EPHA2: variants seen among roughly 807,000 people sequenced by gnomAD.
EPHA2 encodes EPH receptor A2, also known as ephrin type-A receptor 2.
Under a neutral mutation model 104.9 loss-of-function variants are expected in EPHA2, and 54 were observed. The ratio of observed to expected loss-of-function variants is 0.51; its 90% CI spans 0.41 to 0.65. The LOEUF (loss-of-function observed/expected upper bound fraction) is 0.65, where lower values mean the gene tolerates loss of function less well. EPHA2 is among the 30% of genes least tolerant of loss of function. EPHA2 has a pLI of 0.00. For missense variants in EPHA2, 1,117 were observed against 1,369.5 expected (o/e 0.82, Z 2.91); for synonymous variants, 560 against 559.1 (o/e 1.00, Z -0.02).
intron 16 of EPHA2, among the ~76,000 whole-genome samples, chr1:16,129,192 G>A (rs934450643): frequency 1.3e-5 from 2 of 151,426 alleles, no homozygotes; most frequent in African/African-American, 2.4e-5. Context: ...TTATGATTAC[G>A]GTTACTATTA....
At position 16,134,012 on chromosome 1, in the gene EPHA2, TG is replaced by T. The variant is rs1367748519; in HGVS notation, c.1683-98del. On this transcript the variant is annotated intron_variant, in intron 8 of 16. Coordinates refer to ENST00000358432, the MANE Select transcript of EPHA2 (RefSeq NM_004431.5). This position sits in a 1 kb window ranked among gnomAD's most constrained non-coding sequence, Gnocchi z 4.5. Reference sequence around the variant, plus strand: ...GCCCTACTTTGGTCCTAGGAGGACCTGGGGTGCTCAGAATGCGGCCCAGTCC... The same window carrying T: ...GCCCTACTTTGGTCCTAGGAGGACCTGGGTGCTCAGAATGCGGCCCAGTCC... The T allele has an allele frequency of 3.1e-6, 4 of 1,271,724 alleles. No homozygotes were observed. Among genetic ancestry groups the T allele is most frequent in the Admixed American group, 2.5e-5 (1 of 39,474 alleles). The allele number at this position is 1,271,724 out of a possible 1,614,324, so 78.8% of individuals were successfully genotyped here.
At chr1:16,140,561 A>G (rs1486077097) in intron 3 of EPHA2, among the ~76,000 whole-genome samples, 1 of 152,150 alleles carries the variant, frequency 6.6e-6, no homozygotes, top group African/African-American at 2.4e-5. Flanking sequence ...GGAAACCAGA[A>G]CTCAAACTTA....
At chr1:16,138,506 C>T (rs2024763786) in intron 3 of EPHA2, 76 bp from the exon 4 acceptor site, 24 of 1,602,610 alleles carry the variant, frequency 1.5e-5, no homozygotes, top group Middle Eastern at 1.7e-4. Context: ...GTCTCATTCC[C>T]TCACCAGGGA....
rs148110362 is a variant in EPHA2 at position 16,147,398 on chromosome 1, T to C, written c.823+980A>G. On this transcript the variant is annotated intron_variant, in intron 3 of 16. Coordinates refer to ENST00000358432, the MANE Select transcript of EPHA2 (RefSeq NM_004431.5). Reference sequence around the variant, plus strand: ...CCAAAAGCTCCGCGGGTGATCCTGATATGCAGCCAGGGGATGTGCACCCCG... The same window carrying C: ...CCAAAAGCTCCGCGGGTGATCCTGACATGCAGCCAGGGGATGTGCACCCCG... 7.7e-3 allele frequency among the ~76,000 whole-genome samples: 1,168 copies of C among 152,200 alleles called. 9 individuals are homozygous for C. The highest frequency in any genetic ancestry group is 0.01 in the Non-Finnish European group (703 of 68,008).
Position 16,125,141 on chromosome 1 carries a change from G to A in EPHA2, c.*74C>T. ...AATAAATAAAGTCCCCAGTGGCCCAGCATGGCACAGCAGGGAGGCCACTCT... is the reference window on the plus strand; with the variant it reads ...AATAAATAAAGTCCCCAGTGGCCCAACATGGCACAGCAGGGAGGCCACTCT... On this transcript the variant is annotated 3_prime_UTR_variant, in exon 17 of 17. Coordinates refer to ENST00000358432, the MANE Select transcript of EPHA2 (RefSeq NM_004431.5). This position sits in a 1 kb window ranked among gnomAD's most constrained non-coding sequence, Gnocchi z 4.9. 1 of 1,377,820 alleles carries A rather than the reference G, an allele frequency of 7.3e-7. No homozygotes were observed. Among genetic ancestry groups the A allele is most frequent in the Non-Finnish European group, 1.0e-6 (1 of 978,354 alleles). The allele number at this position is 1,377,820 out of a possible 1,614,324, so 85.3% of individuals were successfully genotyped here.
Position 16,135,318 on chromosome 1 carries a change from C to G in EPHA2, c.1429-129G>C. On this transcript the variant is annotated intron_variant, in intron 6 of 16. Coordinates refer to ENST00000358432, the MANE Select transcript of EPHA2 (RefSeq NM_004431.5). The surrounding 1 kb of genome is among the most constrained non-coding windows in gnomAD (Gnocchi z 4.3). ...GTTAGCAAACTTGAGGCTCTTCTTA[C>G]AGAGGAGGAAACTGAGGCTCGGAAT... is the stretch of plus-strand genomic sequence containing the variant. 1 of 1,242,614 alleles carries G rather than the reference C, an allele frequency of 8.0e-7. No individual in the cohort carries two copies. Among genetic ancestry groups the G allele is most frequent in the African/African-American group, 1.5e-5 (1 of 67,668 alleles). The allele number at this position is 1,242,614 out of a possible 1,614,324, so 77.0% of individuals were successfully genotyped here. A position where few individuals can be genotyped will look rare whatever the true frequency, so the allele number is the denominator to read the frequency against.
At chr1:16,126,088 C>A (rs1200785736) in intron 16 of EPHA2, among the ~76,000 whole-genome samples, 1 of 152,136 alleles carries the variant, frequency 6.6e-6, no homozygotes, top group Non-Finnish European at 1.5e-5. Context: ...GGGCGAGAGA[C>A]CTCAAAACCA....
chr1:16,138,549 A>C, intron 3 of EPHA2, 119 bp from the exon 4 acceptor site: 2 of 1,440,458 alleles, frequency 1.4e-6, no homozygotes, highest in Non-Finnish European at 1.9e-6. Context: ...GTAAATCTCT[A>C]TGGACCTGTT....
intron 3 of EPHA2, chr1:16,146,339 C>A (rs3754333): frequency 0.081 from 12,339 of 152,252 alleles, 626 homozygotes; most frequent in East Asian, 0.13. Flanking sequence ...GACCCCCCAC[C>A]TCTAGAGGAG....
At chr1:16,132,013 C>T in intron 13 of EPHA2, 51 bp downstream of exon 13, 1 of 1,613,224 alleles carries the variant, frequency 6.2e-7, no homozygotes, top group Non-Finnish European at 8.5e-7. Context: ...TGAGAGGACA[C>T]CATGCAGGGC....
At chr1:16,149,866 C>T (rs58340323) in intron 2 of EPHA2, among the ~76,000 whole-genome samples, 158 of 152,290 alleles carry the variant, frequency 1.0e-3, no homozygotes, top group African/African-American at 3.6e-3. Flanking sequence ...CGGCCTGAGA[C>T]AGAGTAGGTG....
intron 3 of EPHA2, among the ~76,000 whole-genome samples, chr1:16,139,409 C>G (rs1361598329): frequency 6.6e-6 from 1 of 152,178 alleles, no homozygotes; most frequent in African/African-American, 2.4e-5. Context: ...TGAGACACCT[C>G]CAACCTCAGC....
In EPHA2 at chr1:16,129,475, G is replaced by A. The variant is rs71640095; in HGVS notation, c.2784C>T (p.Ala928=). The A allele has an allele frequency of 1.9e-5, 31 of 1,613,766 alleles. No individual in the cohort carries two copies. Among genetic ancestry groups the A allele is most frequent in the Non-Finnish European group, 2.5e-5 (30 of 1,180,016 alleles). Residue 928 remains alanine, a synonymous_variant, in exon 16 of 17, where the codon GCC becomes GCT. Transcript: ENST00000358432. The part of the protein sequence containing the change: ...MQQYTEHFMA[A]GYTAIEKVVQ... ...CCACCTTCTCGATGGCAGTGTAGCCGGCCGCCATGAAGTGCTCCGTATACT... is the reference window on the plus strand; with the variant it reads ...CCACCTTCTCGATGGCAGTGTAGCCAGCCGCCATGAAGTGCTCCGTATACT...
intron 3 of EPHA2, among the ~76,000 whole-genome samples, chr1:16,144,084 T>C (rs997092341): frequency 6.6e-6 from 1 of 152,120 alleles, no homozygotes; most frequent in Non-Finnish European, 1.5e-5. Context: ...TTTCATCTTC[T>C]GTTTGCTTTC....
chr1:16,132,395 G>A lies in EPHA2; in HGVS notation c.2098C>T (p.Leu700=), dbSNP rs1570399541. The A allele has an allele frequency of 6.2e-7, 1 of 1,614,136 alleles. No homozygotes were observed. The change falls in exon 12 of 17, where the codon CTG becomes TTG. Residue 700 remains leucine (L), a synonymous_variant. Transcript: ENST00000358432. ...IITEYMENGA[L]DKFLREKDGE... ...ATCCTTACCCGAAGGAACTTGTCCA[G>A]GGCCCCATTCTCCATGTACTCAGTG...
At position 16,135,136 on chromosome 1, in the gene EPHA2, C is replaced by T. The variant is rs2024657315; in HGVS notation, c.1482G>A (p.Leu494=). The T allele has an allele frequency of 1.2e-6, 2 of 1,613,936 alleles. No individual in the cohort carries two copies. Among genetic ancestry groups the T allele is most frequent in the African/African-American group, 1.3e-5 (1 of 74,924 alleles). ...AGGTGGTGTCTGGGGCCAGGTCGTC[C>T]AGGGTCACGGAGAAACCCTCGGTGC... The part of the protein sequence containing the change: ...VRRTEGFSVT[L]DDLAPDTTYL... The change falls in exon 7 of 17, where the codon CTG becomes CTA. Residue 494 remains leucine, a synonymous_variant. Transcript: ENST00000358432. This position sits in a 1 kb window ranked among gnomAD's most constrained non-coding sequence, Gnocchi z 4.3.
intron 1 of EPHA2, chr1:16,153,416 T>G (rs1186806621): frequency 1.3e-6 from 1 of 786,774 alleles, no homozygotes; most frequent in Admixed American, 6.2e-5. Flanking sequence ...TTGGCCCCGG[T>G]AGAACCAGAA....
At chr1:16,143,189 T>TGGAG (rs764093583) in intron 3 of EPHA2, among the ~76,000 whole-genome samples, 1 of 145,296 alleles carries the variant, frequency 6.9e-6, no homozygotes, top group Non-Finnish European at 1.5e-5. Flanking sequence ...GATGGATGGA[T>TGGAG]GAATGGATGG....
intron 15 of EPHA2, among the ~76,000 whole-genome samples, chr1:16,129,795 C>G (rs2024540676): frequency 6.6e-6 from 1 of 152,146 alleles, no homozygotes; most frequent in Non-Finnish European, 1.5e-5. Context: ...TACTGCTGCC[C>G]CTCCACTCCT....
Sources: allele counts gnomAD v4.1 joint callset (sites outside exome capture counted in the v4.1 genomes callset), GRCh38; gene constraint gnomAD v4.1.1; non-coding constraint Gnocchi (gnomAD v3.1); transcripts MANE v1.5; gene names NCBI Gene and HGNC (gene_info 2026-07-23, HGNC 2026-07-21).